The following HDGFL3 variants were observed in gnomAD, a reference collection of about 807,000 sequenced individuals.
HDGFL3 encodes the protein HDGF like 3, also known as hepatoma-derived growth factor-related protein 3.
In HDGFL3, 6 loss-of-function variants were observed where a neutral mutation model predicts 27.6. That is an observed-to-expected ratio of 0.22 (90% CI 0.12 to 0.43). The LOEUF is 0.43. Among genes scored for constraint, HDGFL3 ranks in the 20% least tolerant of loss-of-function variants. The pLI, the probability that HDGFL3 is intolerant of heterozygous loss-of-function variation, is 1.00. For synonymous variants in HDGFL3, 88 were observed against 88.9 expected, an observed-to-expected ratio of 0.99 and a Z score of 0.05; for missense variants, 207 against 250.1, an observed-to-expected ratio of 0.83 and a Z score of 1.16.
chr15:83,122,989 C>G, downstream of HDGFL3: 1 of 1,212,594 alleles, frequency 8.2e-7, no homozygotes, highest in South Asian at 1.5e-5. Context: ...TTTGGGGCAT[C>G]CAAACAGTGC....
downstream of HDGFL3, chr15:83,127,435 G>C: frequency 1.2e-6 from 2 of 1,613,910 alleles, no homozygotes; most frequent in Non-Finnish European, 1.7e-6. Context: ...GATGTTCCTG[G>C]ATGCCTGACA....
chr15:83,139,107 C>T lies in HDGFL3; in HGVS notation c.*163G>A, dbSNP rs1265567751. 9.4e-6 allele frequency: 4 copies of T among 424,444 alleles called. No homozygotes were observed. Among genetic ancestry groups the T allele is most frequent in the Non-Finnish European group, 1.7e-5 (4 of 236,038 alleles). The allele number at this position is 424,444 out of a possible 1,614,324, so 26.3% of individuals were successfully genotyped here. On this transcript the variant is annotated 3_prime_UTR_variant, in exon 6 of 6. Coordinates refer to ENST00000299633, the MANE Select transcript of HDGFL3 (RefSeq NM_016073.4). ...AAAAGGCTAAAATGTCTTTTCCCCC[C>T]GAAACACAACAGAGAGGAATATGAA...
At chr15:83,179,772 C>T (rs545973100) in intron 1 of HDGFL3, 5 of 152,292 alleles carry the variant, frequency 3.3e-5, no homozygotes, top group African/African-American at 1.2e-4. Flanking sequence ...TGTCTCTTGA[C>T]ATTAGAGTAA....
At chr15:83,170,192 A>AT (rs1425344547) in intron 1 of HDGFL3, among the ~76,000 whole-genome samples, 1 of 152,112 alleles carries the variant, frequency 6.6e-6, no homozygotes, top group Admixed American at 6.5e-5. Context: ...TACCAAGATC[A>AT]TTTTTCACAG....
chr15:83,118,756 G>A (rs1217286300), intron 3 of HDGFL3, among the ~76,000 whole-genome samples: 1 of 152,054 alleles, frequency 6.6e-6, no homozygotes, highest in African/African-American at 2.4e-5. Context: ...GGGAGAAAGA[G>A]GAAAGGAAAA....
intron 2 of HDGFL3, among the ~76,000 whole-genome samples, chr15:83,163,196 A>T (rs1039473181): frequency 6.6e-6 from 1 of 152,220 alleles, no homozygotes; most frequent in African/African-American, 2.4e-5. Context: ...CTGCTGTCTG[A>T]TGTTTCCTTT....
chr15:83,163,063 A>G (rs1449265283), intron 2 of HDGFL3, among the ~76,000 whole-genome samples: 1 of 152,206 alleles, frequency 6.6e-6, no homozygotes, highest in East Asian at 1.9e-4. Flanking sequence ...ATGTGGCCAC[A>G]TCACCAAGTT....
chr15:83,169,240 A>G (rs1167296484), intron 1 of HDGFL3: 2 of 448,170 alleles, frequency 4.5e-6, no homozygotes, highest in South Asian at 1.6e-5. Context: ...CTCCTATTCA[A>G]CATAGTACTG....
At chr15:83,115,720 C>T (rs1389899663) in exon 4 of HDGFL3, 3 of 750,450 alleles carry the variant, frequency 4.0e-6, no homozygotes, top group Non-Finnish European at 7.1e-6. Context: ...TAGTCTATCT[C>T]GATAATTGTC....
At position 83,160,648 on chromosome 15, in the gene HDGFL3, G is replaced by C. The variant is rs564160143; in HGVS notation, c.162-2607C>G. Among the ~76,000 whole-genome samples the C allele has an allele frequency of 1.6e-4, 25 of 152,250 alleles. 1 individual carries two copies. In the South Asian group the frequency reaches 5.0e-3, roughly 30 times the overall value. On this transcript the variant is annotated intron_variant, in intron 2 of 5. Coordinates refer to ENST00000299633, the MANE Select transcript of HDGFL3 (RefSeq NM_016073.4). ...TGGAGATGTCAGGTAGCTGGAGAGAGGACTCTGGAGTAGAGGGGAAATGTG... is the reference window on the plus strand; with the variant it reads ...TGGAGATGTCAGGTAGCTGGAGAGACGACTCTGGAGTAGAGGGGAAATGTG...
intron 3 of HDGFL3, among the ~76,000 whole-genome samples, chr15:83,118,091 G>A (rs780101559): frequency 2.0e-5 from 3 of 152,212 alleles, no homozygotes; most frequent in Non-Finnish European, 4.4e-5. Flanking sequence ...GGCTGGCCTG[G>A]TGGCTCATGC....
intron 1 of HDGFL3, among the ~76,000 whole-genome samples, chr15:83,194,750 A>C (rs139777538): frequency 1.3e-5 from 2 of 152,130 alleles, no homozygotes; most frequent in African/African-American, 4.8e-5. Flanking sequence ...TGCAGACGGC[A>C]ATGAATTTTA....
chr15:83,144,717 C>T (rs1457327429), intron 5 of HDGFL3: 3 of 355,948 alleles, frequency 8.4e-6, no homozygotes, highest in Non-Finnish European at 1.1e-5. Flanking sequence ...ATCTGAGTTC[C>T]TGCTGACACC....
At chr15:83,140,380 T>C (rs907459029) in intron 5 of HDGFL3, among the ~76,000 whole-genome samples, 2 of 152,124 alleles carry the variant, frequency 1.3e-5, no homozygotes, top group South Asian at 4.1e-4. Flanking sequence ...AAAACACCAG[T>C]TATAAGATTA....
chr15:83,127,398 C>G (rs746531547), downstream of HDGFL3: 11 of 1,613,848 alleles, frequency 6.8e-6, no homozygotes, highest in Middle Eastern at 4.9e-4. Context: ...TACTTTGTGA[C>G]TGCACTGTAT....
At position 83,204,322 on chromosome 15, in the gene HDGFL3, T is replaced by C. The variant is rs9920374; in HGVS notation, c.84+3009A>G. Among the ~76,000 whole-genome samples, 1,270 of 152,172 alleles carry C rather than the reference T, an allele frequency of 8.3e-3. 16 individuals carry two copies. Among genetic ancestry groups the C allele is most frequent in the African/African-American group, 0.028 (1,169 of 41,518 alleles). ...GTTAAGGTAAGTACATTCCATTCCATGTAAATTTTACCTCAAAAGAGAAAA... is the reference window on the plus strand; with the variant it reads ...GTTAAGGTAAGTACATTCCATTCCACGTAAATTTTACCTCAAAAGAGAAAA... On this transcript the variant is annotated intron_variant, in intron 1 of 5. Coordinates refer to ENST00000299633, the MANE Select transcript of HDGFL3 (RefSeq NM_016073.4).
chr15:83,116,260 T>C (rs2034650292), intron 3 of HDGFL3, among the ~76,000 whole-genome samples: 2 of 152,230 alleles, frequency 1.3e-5, no homozygotes, highest in South Asian at 4.1e-4. Context: ...TATGTGTCTG[T>C]TAATACATGA....
At chr15:83,182,924 A>G (rs1181144460) in intron 1 of HDGFL3, among the ~76,000 whole-genome samples, 1 of 152,240 alleles carries the variant, frequency 6.6e-6, no homozygotes, top group Admixed American at 6.5e-5. Context: ...CAAATTTAGC[A>G]AAATGCTAAC....
At chr15:83,139,349 C>T in intron 5 of HDGFL3, 74 bp from the exon 6 acceptor site, 1 of 917,998 alleles carries the variant, frequency 1.1e-6, no homozygotes, top group Non-Finnish European at 1.5e-6. Context: ...GCTATCCACA[C>T]CTAGATAGTA....
Sources: gnomAD v4.1 joint callset for allele counts (sites outside exome capture counted in the v4.1 genomes callset) on GRCh38, gnomAD v4.1.1 for gene constraint, MANE v1.5 for transcripts, NCBI Gene and HGNC (gene_info 2026-07-23, HGNC 2026-07-21) for gene names.